Variants in NDUFB2 observed in about 807,000 individuals in gnomAD.
The protein encoded by NDUFB2 is NADH dehydrogenase [ubiquinone] 1 beta subcomplex subunit 2, mitochondrial.
A neutral mutation model predicts 13.4 loss-of-function variants in NDUFB2; 13 were observed. The observed-to-expected ratio is 0.97, with a 90% CI of 0.63 to 1.54. The LOEUF is 1.54. NDUFB2 is among the 40% of genes most tolerant of loss of function. NDUFB2 has a pLI of 0.00. For missense variants in NDUFB2, 150 were observed against 139.7 expected (o/e 1.07, Z -0.37); for synonymous variants, 47 against 50.6 (o/e 0.93, Z 0.30).
At chr7:140,696,994 C>G in intron 1 of NDUFB2, 152 bp downstream of exon 1, 1 of 693,734 alleles carries the variant, frequency 1.4e-6, no homozygotes, top group East Asian at 2.7e-5. Context: ...AGCCGCGACT[C>G]GAGGAGAGGG....
At chr7:140,701,745 C>T (rs1794901194) in intron 1 of NDUFB2, 2 of 240,082 alleles carry the variant, frequency 8.3e-6, no homozygotes, top group Admixed American at 5.5e-5. Context: ...CCAGTCTGGC[C>T]AACACGGGGA....
chr7:140,704,762 G>GTTT, intron 2 of NDUFB2, 98 bp from the exon 3 acceptor site: 51 of 633,150 alleles, frequency 8.1e-5, no homozygotes, highest in South Asian at 2.3e-4. Flanking sequence ...GAGCCATATT[G>GTTT]TTTTTTTTTT....
intron 1 of NDUFB2, chr7:140,701,101 T>C (rs1445421990): frequency 6.6e-6 from 1 of 152,166 alleles, no homozygotes; most frequent in Non-Finnish European, 1.5e-5. Context: ...GGATGACTAT[T>C]TAGAAAAAAA....
intron 3 of NDUFB2, chr7:140,706,006 T>A (rs1585867104): frequency 6.7e-6 from 1 of 149,314 alleles, no homozygotes. Flanking sequence ...ATTTTATATT[T>A]TATTTTATTT....
chr7:140,701,781 C>G, intron 1 of NDUFB2: 1 of 288,736 alleles, frequency 3.5e-6, no homozygotes, highest in Non-Finnish European at 6.3e-6. Context: ...AAAAAAAAAA[C>G]AAAAATTAGC....
At chr7:140,701,980 A>G (rs1035323414) in intron 1 of NDUFB2, 7 of 691,170 alleles carry the variant, frequency 1.0e-5, no homozygotes, top group Admixed American at 2.1e-5. Context: ...ACATGTATCA[A>G]GAACCACTGC....
chr7:140,700,704 G>C (rs1228891296), intron 1 of NDUFB2: 1 of 151,760 alleles, frequency 6.6e-6, no homozygotes, highest in Non-Finnish European at 1.5e-5. Flanking sequence ...CAGGAGAATT[G>C]CTCGAACTGG....
At chr7:140,697,927 TGG>T in intron 1 of NDUFB2, 1 of 1,180,290 alleles carries the variant, frequency 8.5e-7, no homozygotes, top group Non-Finnish European at 1.1e-6. Flanking sequence ...CTCTAACTCC[TGG>T]GCTCAAGTGA....
rs1402496959 is a variant in NDUFB2, at chr7:140,706,060, T to TATGTTATGTTATGTTATG, written c.*30-503_*30-502insATGTTATGTTATGTTATG. The stretch of plus-strand genomic sequence containing the variant: ...TATGTTATGTTATGTTATGTTATGT[T>TATGTTATGTTATGTTATG]TTATGTTATGTTATGTTATGTTATG... On this transcript the variant is annotated intron_variant, in intron 3 of 3. Transcript: ENST00000247866. 16 of 125,038 alleles carry TATGTTATGTTATGTTATG rather than the reference T, an allele frequency of 1.3e-4. 1 individual carries two copies. The highest frequency in any genetic ancestry group is 4.3e-4 in the East Asian group (2 of 4,606). The allele number at this position is 125,038 out of a possible 1,614,324, so 7.7% of individuals were successfully genotyped here.
At chr7:140,705,254 C>G in intron 3 of NDUFB2, 1 of 189,108 alleles carries the variant, frequency 5.3e-6, no homozygotes, top group Non-Finnish European at 1.1e-5. Flanking sequence ...CACATGCTAC[C>G]ACACTTGGCT....
chr7:140,702,287 A>G (rs931844644), intron 1 of NDUFB2, among the ~76,000 whole-genome samples: 2 of 152,246 alleles, frequency 1.3e-5, no homozygotes, highest in Admixed American at 6.5e-5. Context: ...TAAATTGACT[A>G]TAACTCTTAT....
chr7:140,702,123 T>C, intron 1 of NDUFB2: 2 of 678,770 alleles, frequency 2.9e-6, no homozygotes, highest in Non-Finnish European at 5.3e-6. Flanking sequence ...ATGAAATTGG[T>C]AAACATATTT....
At chr7:140,702,742 G>T in intron 1 of NDUFB2, 124 bp from the exon 2 acceptor site, 1 of 1,131,356 alleles carries the variant, frequency 8.8e-7, no homozygotes. Context: ...GTGAACTTCT[G>T]TCTATATTTC....
At chr7:140,697,094 C>T in intron 1 of NDUFB2, 3 of 587,180 alleles carry the variant, frequency 5.1e-6, no homozygotes, top group South Asian at 2.0e-5. Flanking sequence ...GCCGCCTGCC[C>T]TCGGGAGACG....
rs1794917448 is a variant in NDUFB2, at chr7:140,702,992, T to G, written c.225T>G (p.His75Gln). The change falls in exon 2 of 4, where the codon CAT (histidine) becomes CAG (glutamine). Residue 75 changes from histidine to glutamine, a missense_variant. By Grantham distance (24) the His-to-Gln change is conservative. Transcript: ENST00000247866. The stretch of plus-strand genomic sequence containing the variant: ...TCTGGATTCTCTGGCGCTTTTGGCA[T>G]GACTCAGAAGAGGTGCTGGTAAGTG... Reference protein sequence around the residue: ...MWFWILWRFWHDSEEVLGHFP... With the variant: ...MWFWILWRFWQDSEEVLGHFP... 23 of 1,614,014 alleles carry G rather than the reference T, an allele frequency of 1.4e-5. No individual in the cohort carries two copies. The highest frequency in any genetic ancestry group is 2.7e-5 in the African/African-American group (2 of 74,974).
intron 2 of NDUFB2, among the ~76,000 whole-genome samples, 171 bp from the exon 3 acceptor site, chr7:140,704,689 A>C (rs1794941675): frequency 6.6e-6 from 1 of 152,090 alleles, no homozygotes; most frequent in Admixed American, 6.5e-5. Context: ...TATAATGAAC[A>C]AACTAAAGAA....
At chr7:140,705,001 T>G in intron 3 of NDUFB2, 38 bp downstream of exon 3, 3 of 1,154,296 alleles carry the variant, frequency 2.6e-6, no homozygotes, top group South Asian at 1.7e-5. Context: ...CATATTTACC[T>G]TTTTTCATAA....
intron 1 of NDUFB2, among the ~76,000 whole-genome samples, chr7:140,697,617 C>T (rs1794833163): frequency 6.6e-6 from 1 of 152,158 alleles, no homozygotes; most frequent in Non-Finnish European, 1.5e-5. Flanking sequence ...TGGATGATTC[C>T]AGGTCCCTTA....
In NDUFB2 at chr7:140,702,959, C is replaced by G. The variant is rs1563215457; in HGVS notation, c.192C>G (p.Leu64=). 1.2e-6 allele frequency: 2 copies of G among 1,613,940 alleles called. No individual in the cohort carries two copies. Among genetic ancestry groups the G allele is most frequent in the South Asian group, 1.1e-5 (1 of 91,082 alleles). The change falls in exon 2 of 4, where the codon CTC becomes CTG. Residue 64 remains leucine, a synonymous_variant. Transcript: ENST00000247866. ...TCCAGAGCGAGTTCTTCAGCGGACT[C>G]ATGTGGTTCTGGATTCTCTGGCGCT... ...QVFQSEFFSG[L]MWFWILWRFW... is the part of the protein sequence containing the mutation.
Sources: allele counts gnomAD v4.1 joint callset (sites outside exome capture counted in the v4.1 genomes callset), GRCh38; gene constraint gnomAD v4.1.1; transcripts MANE v1.5; gene names NCBI Gene and HGNC (gene_info 2026-07-23, HGNC 2026-07-21).